Variants in BTNL3 observed in about 807,000 individuals in gnomAD.
BTNL3 encodes butyrophilin like 3.
BTNL3 carries 20 observed loss-of-function variants against 40.1 expected under a neutral mutation model. That is an observed-to-expected ratio of 0.50 (90% CI 0.35 to 0.72). BTNL3 has a LOEUF of 0.72. BTNL3 is among the 30% of genes least tolerant of loss of function. BTNL3 has a pLI of 0.01. For missense variants in BTNL3, 449 were observed against 582.2 expected, an observed-to-expected ratio of 0.77 and a Z score of 2.35; for synonymous variants, 179 against 222.1, an observed-to-expected ratio of 0.81 and a Z score of 1.73.
At chr5:180,989,185 G>A in intron 1 of BTNL3, 108 bp downstream of exon 1, 1 of 1,217,400 alleles carries the variant, frequency 8.2e-7, no homozygotes, top group Non-Finnish European at 1.1e-6. Context: ...TTTGGTGCTT[G>A]CATTCTCCAG....
chr5:181,004,043 G>A (rs1164523454), intron 5 of BTNL3, 167 bp downstream of exon 5: 7 of 1,538,840 alleles, frequency 4.5e-6, no homozygotes, highest in East Asian at 2.3e-5. Context: ...GTTACCCCTC[G>A]GACATCTGGA....
Position 180,989,505 on chromosome 5 carries a change from T to G in BTNL3, c.49+428T>G, listed in dbSNP as rs866083382. On this transcript the variant is annotated intron_variant, in intron 1 of 7. Transcript: ENST00000342868. The stretch of plus-strand genomic sequence containing the variant: ...TTAGGATGTTTGGAGAAAAAGACAA[T>G]GTGTCCAGTTATGCACATGCTGAGT... 1.5e-5 allele frequency among the ~76,000 whole-genome samples: 2 copies of G among 136,640 alleles called. 1 individual carries two copies. The highest frequency in any genetic ancestry group is 3.3e-5 in the Non-Finnish European group (2 of 59,744). 89.6% of individuals were successfully genotyped at this position (136,640 alleles called of 152,430 possible). A position where few individuals can be genotyped will look rare whatever the true frequency, so the allele number is the denominator to read the frequency against.
chr5:181,003,527 C>G (rs1760158875), intron 4 of BTNL3, among the ~76,000 whole-genome samples: 1 of 137,712 alleles, frequency 7.3e-6, no homozygotes, highest in African/African-American at 2.5e-5. Context: ...CACCCTAGAA[C>G]AAATTTCCTC....
rs770015306 is a variant in BTNL3 at position 181,005,316 on chromosome 5, T to A, written c.863-18T>A. ...TCTTCAGTAACTCATGCTTCCTCTCTCCCCCACCGCACCCCAGTGGAGGTG... is the reference window on the plus strand; with the variant it reads ...TCTTCAGTAACTCATGCTTCCTCTCACCCCCACCGCACCCCAGTGGAGGTG... On this transcript the variant is annotated intron_variant, in intron 7 of 7. Coordinates refer to ENST00000342868, the MANE Select transcript of BTNL3 (RefSeq NM_197975.3). 6.2e-7 allele frequency: 1 copy of A among 1,608,238 alleles called. No individual in the cohort carries two copies. The highest frequency in any genetic ancestry group is 8.5e-7 in the Non-Finnish European group (1 of 1,177,504).
At position 181,002,345 on chromosome 5, in the gene BTNL3, G is replaced by GAC. The variant is rs35453084; in HGVS notation, c.674-306_674-305dup. 5.6e-3 allele frequency among the ~76,000 whole-genome samples: 457 copies of GAC among 81,594 alleles called. 57 individuals are homozygous for GAC. Among genetic ancestry groups the GAC allele is most frequent in the Non-Finnish European group, 7.4e-3 (272 of 36,626 alleles). The allele number at this position is 81,594 out of a possible 152,430, so 53.5% of individuals were successfully genotyped here. On this transcript the variant is annotated intron_variant, in intron 3 of 7. Transcript: ENST00000342868. The stretch of plus-strand genomic sequence containing the variant: ...TTGAACTTCTGCCTCATTAGACATA[G>GAC]ACACACACACACACACACACACGTG...
chr5:181,003,967 G>A (rs750140786), intron 5 of BTNL3, 91 bp downstream of exon 5: 15 of 1,611,148 alleles, frequency 9.3e-6, no homozygotes, highest in Admixed American at 1.7e-5. Context: ...CTGGCTGCAG[G>A]CTGGACAGGA....
chr5:181,005,513 G>T lies in BTNL3; in HGVS notation c.1042G>T (p.Gly348Ter). Residue 348 changes from glycine (G) to a stop codon, truncating the protein, a stop_gained, in exon 8 of 8, where the codon GGA becomes TGA. Transcript: ENST00000342868. LOFTEE classifies it low-confidence loss of function (END_TRUNC). ...AGKHYWEVDV[G>*]QNVGWYVGVC... ...GAAACATTACTGGGAGGTGGACGTG[G>T]GACAAAATGTAGGGTGGTATGTGGG... 3 of 1,614,140 alleles carry T rather than the reference G, an allele frequency of 1.9e-6. No homozygotes were observed. The highest frequency in any genetic ancestry group is 2.5e-6 in the Non-Finnish European group (3 of 1,180,030).
Position 180,992,463 on chromosome 5 carries a change from G to C in BTNL3, c.50-350G>C, listed in dbSNP as rs1759981799. Among the ~76,000 whole-genome samples the C allele has an allele frequency of 1.5e-5, 2 of 136,796 alleles. 1 individual carries two copies. Among genetic ancestry groups the C allele is most frequent in the South Asian group, 4.3e-4 (2 of 4,602 alleles). 89.7% of individuals were successfully genotyped at this position (136,796 alleles called of 152,430 possible). A position where few individuals can be genotyped will look rare whatever the true frequency, so the allele number is the denominator to read the frequency against. ...TGTTCATTAAGCAGATGGGCAGAGA[G>C]GAGAGCACGTGGAGATAGATTCTCC... On this transcript the variant is annotated intron_variant, in intron 1 of 7. Coordinates refer to ENST00000342868, the MANE Select transcript of BTNL3 (RefSeq NM_197975.3).
In BTNL3 at chr5:181,001,714, G is replaced by A. The variant is rs551901855; in HGVS notation, c.674-958G>A. On this transcript the variant is annotated intron_variant, in intron 3 of 7. Transcript: ENST00000342868. ...CAAAAAATTAGCTAGGCGTGGTGGC[G>A]GGCGCCTGTAGTCCCAGCCACTCAG... 9.6e-4 allele frequency among the ~76,000 whole-genome samples: 129 copies of A among 133,882 alleles called. 9 individuals are homozygous for A. In the South Asian group the frequency reaches 0.025, roughly 26 times the overall value. The allele number at this position is 133,882 out of a possible 152,430, so 87.8% of individuals were successfully genotyped here. A position where few individuals can be genotyped will look rare whatever the true frequency, so the allele number is the denominator to read the frequency against.
intron 6 of BTNL3, 56 bp downstream of exon 6, chr5:181,004,499 T>C: frequency 3.8e-6 from 3 of 781,026 alleles, no homozygotes; most frequent in Non-Finnish European, 2.1e-6. Context: ...GTCTCTCGTT[T>C]ATGGATTTTT....
chr5:181,001,822 G>A lies in BTNL3; in HGVS notation c.674-850G>A, dbSNP rs1235001355. ...ATCGCGCCACTGCACTCCTCCCTGG[G>A]CAACAGAGCGAGACTCTGTCTCAAC... On this transcript the variant is annotated intron_variant, in intron 3 of 7. Transcript: ENST00000342868. Among the ~76,000 whole-genome samples, 2 of 128,308 alleles carry A rather than the reference G, an allele frequency of 1.6e-5. 1 individual carries two copies. Among genetic ancestry groups the A allele is most frequent in the Non-Finnish European group, 3.5e-5 (2 of 56,664 alleles). 84.2% of individuals were successfully genotyped at this position (128,308 alleles called of 152,430 possible). A position where few individuals can be genotyped will look rare whatever the true frequency, so the allele number is the denominator to read the frequency against.
chr5:180,989,505 T>C (rs866083382), intron 1 of BTNL3, among the ~76,000 whole-genome samples: 3 of 136,746 alleles, frequency 2.2e-5, no homozygotes, highest in Middle Eastern at 3.5e-3. Flanking sequence ...AAAAAGACAA[T>C]GTGTCCAGTT....
At chr5:180,989,167 C>CA in intron 1 of BTNL3, 90 bp downstream of exon 1, 1 of 1,285,452 alleles carries the variant, frequency 7.8e-7, no homozygotes, top group Non-Finnish European at 1.0e-6. Context: ...CAGTGAGATG[C>CA]AGGAATCTTT....
At chr5:181,000,213 G>A (rs1265165421) in intron 3 of BTNL3, among the ~76,000 whole-genome samples, 1 of 136,404 alleles carries the variant, frequency 7.3e-6, no homozygotes, top group Non-Finnish European at 1.7e-5. Flanking sequence ...AAAATGTTAG[G>A]TCAACATGGG....
At chr5:181,003,735 G>A in intron 4 of BTNL3, 121 bp from the exon 5 acceptor site, 1 of 1,542,896 alleles carries the variant, frequency 6.5e-7, no homozygotes, top group South Asian at 1.2e-5. Context: ...ACATATAAGT[G>A]TCCTAGGAGA....
At chr5:181,003,953 G>A (rs753968982) in intron 5 of BTNL3, 77 bp downstream of exon 5, 52 of 1,612,490 alleles carry the variant, frequency 3.2e-5, no homozygotes, top group Non-Finnish European at 4.2e-5. Flanking sequence ...GCCTCTGGAC[G>A]ACCCTGGCTG....
intron 3 of BTNL3, among the ~76,000 whole-genome samples, chr5:180,998,654 C>A (rs1306776601): frequency 7.3e-6 from 1 of 136,626 alleles, no homozygotes; most frequent in Non-Finnish European, 1.7e-5. Context: ...TTAATAAAGT[C>A]AAATGACCAC....
intron 1 of BTNL3, among the ~76,000 whole-genome samples, chr5:180,992,372 C>T (rs768361328): frequency 1.5e-5 from 2 of 137,324 alleles, no homozygotes; most frequent in Non-Finnish European, 3.3e-5. Flanking sequence ...TTTATGGCCA[C>T]TTACTCCCCT....
At chr5:180,990,723 G>A (rs1266891850) in intron 1 of BTNL3, among the ~76,000 whole-genome samples, 1 of 137,948 alleles carries the variant, frequency 7.2e-6, no homozygotes, top group Non-Finnish European at 1.7e-5. Context: ...AGCTGATCTA[G>A]AGCAAGGGCC....
Sources: allele counts gnomAD v4.1 joint callset (sites outside exome capture counted in the v4.1 genomes callset), GRCh38; gene constraint gnomAD v4.1.1; transcripts MANE v1.5; gene names NCBI Gene and HGNC (gene_info 2026-07-23, HGNC 2026-07-21).